The following AUTS2 variants were observed in gnomAD, a reference collection of about 807,000 sequenced individuals.
AUTS2 encodes the protein activator of transcription and developmental regulator AUTS2.
AUTS2 carries 17 observed loss-of-function variants against 112.4 expected under a neutral mutation model. That is an observed-to-expected ratio of 0.15 (90% CI 0.10 to 0.23). The LOEUF is 0.23. Among genes scored for constraint, AUTS2 ranks in the 10% least tolerant of loss-of-function variants. AUTS2 has a pLI of 1.00. For missense variants in AUTS2, 1,510 were observed against 1,701.6 expected (o/e 0.89, Z 1.98); for synonymous variants, 751 against 702.7 (o/e 1.07, Z -1.09).
chr7:69,680,292 A>G (rs1023201375), intron 1 of AUTS2, among the ~76,000 whole-genome samples: 2 of 152,240 alleles, frequency 1.3e-5, no homozygotes, highest in African/African-American at 2.4e-5. Flanking sequence ...TTTGTTTAGC[A>G]GTTATAATCC....
chr7:70,150,973 A>C (rs2129576242), intron 4 of AUTS2, among the ~76,000 whole-genome samples: 1 of 152,306 alleles, frequency 6.6e-6, no homozygotes, highest in East Asian at 1.9e-4. Flanking sequence ...TCCCTGAAAG[A>C]AAGTAAACAA....
intron 1 of AUTS2, among the ~76,000 whole-genome samples, chr7:69,744,858 G>T (rs1278661740): frequency 6.6e-6 from 1 of 152,052 alleles, no homozygotes; most frequent in Non-Finnish European, 1.5e-5. Context: ...ATATTGCTTA[G>T]AATTTCTATA....
At chr7:70,567,491 G>C (rs1801755248) in intron 5 of AUTS2, among the ~76,000 whole-genome samples, 1 of 152,122 alleles carries the variant, frequency 6.6e-6, no homozygotes, top group Admixed American at 6.5e-5. Context: ...CTGCTTTTCT[G>C]ATCCATTAAA....
At chr7:69,968,267 A>G (rs1288637258) in intron 2 of AUTS2, among the ~76,000 whole-genome samples, 2 of 152,276 alleles carry the variant, frequency 1.3e-5, no homozygotes, top group Non-Finnish European at 2.9e-5. Flanking sequence ...TGGTTGTAGA[A>G]AGAATCCCCA....
At chr7:70,472,892 A>G (rs568224188) in intron 5 of AUTS2, among the ~76,000 whole-genome samples, 1 of 152,352 alleles carries the variant, frequency 6.6e-6, no homozygotes, top group East Asian at 1.9e-4. Context: ...GTGGAGAGAA[A>G]TTAAATTTCT....
chr7:70,750,923 T>G (rs1788793355), intron 6 of AUTS2, among the ~76,000 whole-genome samples: 1 of 151,836 alleles, frequency 6.6e-6, no homozygotes, highest in Non-Finnish European at 1.5e-5. Flanking sequence ...TCATAAGTGT[T>G]GAAACTCGAA....
chr7:69,682,208 T>C (rs1296329076), intron 1 of AUTS2, among the ~76,000 whole-genome samples: 2 of 152,236 alleles, frequency 1.3e-5, no homozygotes, highest in Non-Finnish European at 1.5e-5. Flanking sequence ...AAGATACTAT[T>C]TCCTGTAATG....
At chr7:69,861,417 T>G (rs185269210) in intron 1 of AUTS2, among the ~76,000 whole-genome samples, 1 of 152,264 alleles carries the variant, frequency 6.6e-6, no homozygotes, top group African/African-American at 2.4e-5. Context: ...AGCCTGTCAC[T>G]GTGAAAAATG....
At chr7:69,935,965 T>A (rs1796393766) in intron 2 of AUTS2, among the ~76,000 whole-genome samples, 1 of 152,132 alleles carries the variant, frequency 6.6e-6, no homozygotes, top group African/African-American at 2.4e-5. Flanking sequence ...CACTCCTGAG[T>A]CCAGAAAGCC....
chr7:70,085,932 AAAATT>A (rs1803575211), intron 2 of AUTS2, among the ~76,000 whole-genome samples: 1 of 152,028 alleles, frequency 6.6e-6, no homozygotes, highest in Non-Finnish European at 1.5e-5. Context: ...TATAAAAAAA[AAAATT>A]AAAGGAAATG....
Position 70,559,765 on chromosome 7 carries a change from C to G in AUTS2, c.690+123984C>G, listed in dbSNP as rs538266776. ...CATCTGAGCCCCAGGCCTCTGGATT[C>G]CTAACCTCCTTACCTCCAGTGGTCT... On this transcript the variant is annotated intron_variant, in intron 5 of 18. Coordinates refer to ENST00000342771, the MANE Select transcript of AUTS2 (RefSeq NM_015570.4). Among the ~76,000 whole-genome samples the G allele has an allele frequency of 2.0e-5, 3 of 152,306 alleles. No individual in the cohort carries two copies. In the East Asian group the frequency reaches 5.8e-4, roughly 29 times the overall value.
intron 1 of AUTS2, among the ~76,000 whole-genome samples, chr7:69,688,167 T>C (rs1472633784): frequency 6.6e-6 from 1 of 152,248 alleles, no homozygotes; most frequent in African/African-American, 2.4e-5. Context: ...CAAAAGTTAT[T>C]ACCAGTTGAC....
intron 15 of AUTS2, chr7:70,783,305 G>A (rs1454067525): frequency 2.6e-5 from 4 of 152,176 alleles, no homozygotes; most frequent in Non-Finnish European, 5.9e-5. Flanking sequence ...AAATAAGCCA[G>A]TATGCAGGGC....
At chr7:70,363,903 T>C (rs1792409357) in intron 4 of AUTS2, among the ~76,000 whole-genome samples, 2 of 152,186 alleles carry the variant, frequency 1.3e-5, no homozygotes, top group Admixed American at 6.5e-5. Context: ...CTAGCTAGCT[T>C]TTATGCTATG....
At chr7:70,581,601 C>T (rs746197273) in intron 5 of AUTS2, among the ~76,000 whole-genome samples, 6 of 152,148 alleles carry the variant, frequency 3.9e-5, no homozygotes, top group Non-Finnish European at 5.9e-5. Context: ...ACTATGCACA[C>T]GCCACTTTGG....
intron 2 of AUTS2, among the ~76,000 whole-genome samples, chr7:69,904,615 T>C (rs577268047): frequency 6.6e-6 from 1 of 152,356 alleles, no homozygotes; most frequent in East Asian, 1.9e-4. Flanking sequence ...CTTGAACTAG[T>C]ATTAAGAATG....
At chr7:69,951,298 T>C (rs1797017378) in intron 2 of AUTS2, among the ~76,000 whole-genome samples, 1 of 152,078 alleles carries the variant, frequency 6.6e-6, no homozygotes, top group African/African-American at 2.4e-5. Context: ...CTTCAGGCTT[T>C]TTTTTTTGCT....
At chr7:70,215,697 A>C (rs1811131569) in intron 4 of AUTS2, among the ~76,000 whole-genome samples, 1 of 152,154 alleles carries the variant, frequency 6.6e-6, no homozygotes, top group South Asian at 2.1e-4. Context: ...GAGAAGCATC[A>C]AGGATGATGT....
intron 2 of AUTS2, among the ~76,000 whole-genome samples, chr7:69,981,096 C>T (rs1446280670): frequency 6.6e-6 from 1 of 152,068 alleles, no homozygotes; most frequent in African/African-American, 2.4e-5. Context: ...TTATCTTGTC[C>T]AGCTTAATTT....
Sources: allele counts gnomAD v4.1 joint callset (sites outside exome capture counted in the v4.1 genomes callset), GRCh38; gene constraint gnomAD v4.1.1; transcripts MANE v1.5; gene names NCBI Gene and HGNC (gene_info 2026-07-23, HGNC 2026-07-21).